Variants in CENPK observed in about 807,000 individuals in gnomAD.
CENPK encodes the protein SoxLZ/Sox6-binding protein Solt.
Under a neutral mutation model 40.9 loss-of-function variants are expected in CENPK, and 46 were observed. The ratio of observed to expected loss-of-function variants is 1.13; its 90% CI spans 0.89 to 1.44. CENPK has a LOEUF of 1.44. Among genes scored for constraint, CENPK ranks in the 40% most tolerant of loss-of-function variants. CENPK has a pLI of 0.00. For synonymous variants in CENPK, 107 were observed against 104.4 expected (o/e 1.02, Z -0.15); for missense variants, 288 against 303.5 (o/e 0.95, Z 0.38).
chr5:65,499,669 T>A, the CENPK span, among the ~76,000 whole-genome samples: 1 of 34,196 alleles, frequency 2.9e-5, no homozygotes, highest in South Asian at 1.0e-3. Flanking sequence ...TTTTTTTAAT[T>A]TTTTTTTTTT....
At chr5:65,545,488 CT>C (rs1748768931) in intron 5 of CENPK, among the ~76,000 whole-genome samples, 1 of 151,958 alleles carries the variant, frequency 6.6e-6, no homozygotes, top group Admixed American at 6.6e-5. Flanking sequence ...GAAAACAACC[CT>C]GAATTGCACA....
the CENPK span, among the ~76,000 whole-genome samples, chr5:65,502,022 T>A: frequency 6.6e-6 from 1 of 152,156 alleles, no homozygotes; most frequent in South Asian, 2.1e-4. Flanking sequence ...AAGTCCTGAC[T>A]CCCAACTCAG....
At chr5:65,516,525 T>C (rs1742867290), downstream of CENPK, among the ~76,000 whole-genome samples, 1 of 152,134 alleles carries the variant, frequency 6.6e-6, no homozygotes, top group African/African-American at 2.4e-5. Flanking sequence ...AGTCAAATGA[T>C]GGAAGAGAAT....
chr5:65,559,324 C>A (rs963476671), intron 2 of CENPK, among the ~76,000 whole-genome samples: 2 of 152,112 alleles, frequency 1.3e-5, no homozygotes, highest in African/African-American at 4.8e-5. Context: ...ACTTGACAAG[C>A]AAATTGTAAA....
intron 8 of CENPK, 142 bp from the exon 9 acceptor site, chr5:65,528,720 T>C: frequency 2.6e-6 from 3 of 1,169,224 alleles, no homozygotes; most frequent in South Asian, 1.9e-5. Context: ...GAAAATCATA[T>C]TGTCTATATA....
chr5:65,495,997 C>T, the CENPK span, among the ~76,000 whole-genome samples: 1 of 152,198 alleles, frequency 6.6e-6, no homozygotes, highest in Non-Finnish European at 1.5e-5. Context: ...CGGCTCATGC[C>T]TGTAATTCCA....
chr5:65,559,573 G>A (rs937342886), intron 2 of CENPK, among the ~76,000 whole-genome samples: 2 of 148,518 alleles, frequency 1.3e-5, no homozygotes, highest in Admixed American at 6.7e-5. Flanking sequence ...AGCTTGCAGT[G>A]AGCCGAGATC....
At chr5:65,500,487 A>G in the CENPK span, among the ~76,000 whole-genome samples, 1 of 149,468 alleles carries the variant, frequency 6.7e-6, no homozygotes, top group African/African-American at 2.5e-5. Context: ...GTGTCTGTTC[A>G]TGTCCTTCGC....
chr5:65,552,495 G>C lies in CENPK; in HGVS notation c.166C>G (p.Gln56Glu). The C allele has an allele frequency of 6.5e-7, 1 of 1,538,782 alleles. No homozygotes were observed. Among genetic ancestry groups the C allele is most frequent in the Non-Finnish European group, 8.8e-7 (1 of 1,139,434 alleles). The change falls in exon 4 of 11, where the codon CAG (glutamine) becomes GAG (glutamate). Residue 56 changes from glutamine (Q) to glutamate (E), a missense_variant and splice_region_variant. Gln to Glu is a conservative substitution (Grantham distance 29). Transcript: ENST00000396679. ...TTTAGGAAGAAAAAGATTCATACCT[G>C]AGCATTTGAATCGGTGAGTGTTTCA... ...GTETLTDSNA[Q>E]LSLLIMQVKC...
the CENPK span, among the ~76,000 whole-genome samples, chr5:65,502,637 G>A: frequency 6.6e-6 from 1 of 151,804 alleles, no homozygotes; most frequent in African/African-American, 2.4e-5. Flanking sequence ...AAGAAATAGG[G>A]TCTCACTCTG....
chr5:65,553,602 T>C (rs1298027039), intron 3 of CENPK, among the ~76,000 whole-genome samples: 4 of 152,224 alleles, frequency 2.6e-5, no homozygotes, highest in African/African-American at 9.6e-5. Flanking sequence ...CCCACTTCTA[T>C]ATTCTCTATT....
In CENPK at chr5:65,518,205, G is replaced by A. The variant is rs1743056633; in HGVS notation, c.*270C>T. ...ATCAACAAAGAATCCAAAGAATATT[G>A]CATGAGGTAAGGTACATTAAATGTT... On this transcript the variant is annotated 3_prime_UTR_variant, in exon 11 of 11. Transcript: ENST00000396679. The A allele has an allele frequency of 8.4e-6, 2 of 236,998 alleles. No individual in the cohort carries two copies. Among genetic ancestry groups the A allele is most frequent in the South Asian group, 2.5e-4 (2 of 8,100 alleles). The allele number at this position is 236,998 out of a possible 1,614,324, so 14.7% of individuals were successfully genotyped here. A position where few individuals can be genotyped will look rare whatever the true frequency, so the allele number is the denominator to read the frequency against.
chr5:65,525,021 G>A (rs978599430), intron 9 of CENPK, among the ~76,000 whole-genome samples: 37 of 152,216 alleles, frequency 2.4e-4, no homozygotes, highest in African/African-American at 8.7e-4. Context: ...ATTTATCCGA[G>A]TTCAACTGTT....
chr5:65,500,057 C>A, the CENPK span, among the ~76,000 whole-genome samples: 1 of 54,598 alleles, frequency 1.8e-5, no homozygotes, highest in Non-Finnish European at 3.8e-5. Flanking sequence ...TTTTCTTAAT[C>A]CAGTCTATCA....
At chr5:65,542,375 A>G (rs1748123533) in intron 6 of CENPK, among the ~76,000 whole-genome samples, 1 of 152,228 alleles carries the variant, frequency 6.6e-6, no homozygotes, top group Non-Finnish European at 1.5e-5. Flanking sequence ...GTGGTGGCTT[A>G]CGCCTGTAAT....
the CENPK span, among the ~76,000 whole-genome samples, chr5:65,512,307 T>C: frequency 2.0e-5 from 3 of 152,112 alleles, no homozygotes; most frequent in Admixed American, 6.6e-5. Flanking sequence ...TTGAGAGGAG[T>C]GACTCTTATT....
At chr5:65,512,489 C>G in the CENPK span, among the ~76,000 whole-genome samples, 6 of 152,158 alleles carry the variant, frequency 3.9e-5, no homozygotes, top group Non-Finnish European at 7.3e-5. Context: ...CAGTCAGCAG[C>G]CATTAACACT....
At chr5:65,551,323 C>A in intron 5 of CENPK, 5 of 320,044 alleles carry the variant, frequency 1.6e-5, no homozygotes, top group Non-Finnish European at 2.9e-5. Context: ...ATGAGGATAA[C>A]ATAATAGCTA....
In CENPK at chr5:65,532,910, CAAAAAAAAA is replaced by C. The variant is rs60713724; in HGVS notation, c.289-3720_289-3712del. Among the ~76,000 whole-genome samples the C allele has an allele frequency of 8.9e-4, 33 of 37,014 alleles. 1 individual carries two copies. The highest frequency in any genetic ancestry group is 2.4e-3 in the South Asian group (2 of 834). 24.3% of individuals were successfully genotyped at this position (37,014 alleles called of 152,430 possible). On this transcript the variant is annotated intron_variant, in intron 6 of 10. Coordinates refer to ENST00000396679, the MANE Select transcript of CENPK (RefSeq NM_022145.5). ...GACAACAAGAGCGAAACTCCATCTCCAAAAAAAAAAAAAAAAAAAAAAAAAATCAATTTT... is the reference window on the plus strand; with the variant it reads ...GACAACAAGAGCGAAACTCCATCTCCAAAAAAAAAAAAAAAAATCAATTTT...
Sources: gnomAD v4.1 joint callset for allele counts (sites outside exome capture counted in the v4.1 genomes callset) on GRCh38, gnomAD v4.1.1 for gene constraint, MANE v1.5 for transcripts, NCBI Gene and HGNC (gene_info 2026-07-23, HGNC 2026-07-21) for gene names.